The following NPLOC4 variants were observed in gnomAD, a reference collection of about 807,000 sequenced individuals.
NPLOC4 encodes nuclear protein localization protein 4 homolog.
A neutral mutation model predicts 80.6 loss-of-function variants in NPLOC4; 18 were observed. The observed-to-expected ratio is 0.22, with a 90% CI of 0.15 to 0.33. The LOEUF (loss-of-function observed/expected upper bound fraction) is 0.33. Ranked by LOEUF, NPLOC4 falls within the 10% of genes least tolerant of loss-of-function variation. The pLI is 1.00. For missense variants in NPLOC4, 540 were observed against 786.1 expected, an observed-to-expected ratio of 0.69 and a Z score of 3.74; for synonymous variants, 313 against 301.5, an observed-to-expected ratio of 1.04 and a Z score of -0.39.
rs189401802 is a variant in NPLOC4 at position 81,559,126 on chromosome 17, C to T, written c.*133G>A. 4.0e-5 allele frequency: 42 copies of T among 1,044,286 alleles called. 1 individual carries two copies. In the Middle Eastern group the frequency reaches 1.6e-3, roughly 39 times the overall value. 64.7% of individuals were successfully genotyped at this position (1,044,286 alleles called of 1,614,324 possible). On this transcript the variant is annotated 3_prime_UTR_variant, in exon 17 of 17. Coordinates refer to ENST00000331134, the MANE Select transcript of NPLOC4 (RefSeq NM_017921.4). ...TGAGAAGCTTCAGTGGGTCAGGGAG[C>T]CCAGGACAGCCAGCCCCTTGTTCCT...
chr17:81,587,221 C>T (rs62074665), intron 12 of NPLOC4, among the ~76,000 whole-genome samples: 21,747 of 152,178 alleles, frequency 0.14, 1,850 homozygotes, highest in Admixed American at 0.23. Context: ...CGCCTATAAC[C>T]CCAACACTTT....
At chr17:81,592,744 G>A (rs1348667354) in intron 11 of NPLOC4, among the ~76,000 whole-genome samples, 5 of 152,166 alleles carry the variant, frequency 3.3e-5, no homozygotes, top group Non-Finnish European at 5.9e-5. Flanking sequence ...AGGACTTTTT[G>A]AGGCCGAGAC....
chr17:81,602,963 A>G (rs2035101166), intron 8 of NPLOC4, among the ~76,000 whole-genome samples: 1 of 133,810 alleles, frequency 7.5e-6, no homozygotes, highest in African/African-American at 2.9e-5. Context: ...ATATATACAC[A>G]CATATATATA....
At chr17:81,633,127 C>CAAAA (rs57190405) in intron 1 of NPLOC4, among the ~76,000 whole-genome samples, 6 of 105,838 alleles carry the variant, frequency 5.7e-5, no homozygotes, top group East Asian at 2.3e-4. Context: ...GACTCCGTCT[C>CAAAA]AAAAAAAAAA....
chr17:81,579,984 C>G (rs934568336), intron 12 of NPLOC4, among the ~76,000 whole-genome samples: 1 of 152,156 alleles, frequency 6.6e-6, no homozygotes, highest in Non-Finnish European at 1.5e-5. Context: ...CACCCCTGAG[C>G]TGCTGAAGGC....
At chr17:81,604,443 A>T (rs2035144397) in intron 8 of NPLOC4, 105 bp downstream of exon 8, 5 of 1,019,004 alleles carry the variant, frequency 4.9e-6, no homozygotes, top group Non-Finnish European at 7.1e-6. Context: ...TGTGTGACAA[A>T]GGGGGAACAA....
At position 81,630,415 on chromosome 17, in the gene NPLOC4, G is replaced by A. The variant is rs191766811; in HGVS notation, c.16-610C>T. Among the ~76,000 whole-genome samples, 50 of 152,092 alleles carry A rather than the reference G, an allele frequency of 3.3e-4. No individual in the cohort carries two copies. The East Asian group carries it at 8.7e-3, about 26-fold the overall frequency. ...TGATCCTCTGACCTCAGCCTCCCGA[G>A]AGCTGGAACCACAGGCTTGCACCAC... On this transcript the variant is annotated intron_variant, in intron 1 of 16. Transcript: ENST00000331134.
At chr17:81,581,988 C>T (rs1598632185) in intron 12 of NPLOC4, among the ~76,000 whole-genome samples, 1 of 152,230 alleles carries the variant, frequency 6.6e-6, no homozygotes, top group Non-Finnish European at 1.5e-5. Flanking sequence ...GACATGCTTC[C>T]ATGGTGGACC....
At chr17:81,613,169 C>A in intron 4 of NPLOC4, 149 bp downstream of exon 4, 19 of 551,560 alleles carry the variant, frequency 3.4e-5, no homozygotes, top group South Asian at 1.8e-4. Flanking sequence ...AACAAGATAA[C>A]TTGAAGTTTA....
At chr17:81,614,992 C>G (rs2035441479) in intron 3 of NPLOC4, among the ~76,000 whole-genome samples, 1 of 152,186 alleles carries the variant, frequency 6.6e-6, no homozygotes, top group Admixed American at 6.5e-5. Context: ...CACACAGACA[C>G]TGGGGCTCAG....
At chr17:81,624,992 TG>T (rs1432495468) in intron 2 of NPLOC4, among the ~76,000 whole-genome samples, 1 of 152,156 alleles carries the variant, frequency 6.6e-6, no homozygotes, top group Non-Finnish European at 1.5e-5. Flanking sequence ...AAATCCCTGT[TG>T]CTCAACACCA....
intron 3 of NPLOC4, among the ~76,000 whole-genome samples, chr17:81,616,375 T>G (rs151215693): frequency 4.0e-5 from 6 of 149,580 alleles, no homozygotes; most frequent in Non-Finnish European, 8.9e-5. Context: ...CCTTCAGGAT[T>G]CCTCAAGACC....
intron 3 of NPLOC4, among the ~76,000 whole-genome samples, chr17:81,619,012 G>C (rs1037657521): frequency 4.0e-5 from 6 of 151,866 alleles, no homozygotes; most frequent in African/African-American, 9.7e-5. Context: ...GCAGCATGCT[G>C]GTTAAGAGTC....
rs2033973357 is a variant in NPLOC4, at chr17:81,565,240, AG to A, written c.1669+264del. On this transcript the variant is annotated intron_variant, in intron 16 of 16. Coordinates refer to ENST00000331134, the MANE Select transcript of NPLOC4 (RefSeq NM_017921.4). Reference sequence around the variant, plus strand: ...AGTGCTCCTAGGATGCCTGGAGATTAGTATCTCTGATGTACAGGTTTATAAA... The same window carrying A: ...AGTGCTCCTAGGATGCCTGGAGATTATATCTCTGATGTACAGGTTTATAAA... 13 of 658,936 alleles carry A rather than the reference AG, an allele frequency of 2.0e-5. No homozygotes were observed. In the East Asian group the frequency reaches 3.6e-4, roughly 18 times the overall value. The allele number at this position is 658,936 out of a possible 1,614,324, so 40.8% of individuals were successfully genotyped here.
At chr17:81,612,696 G>C (rs1471103746) in intron 4 of NPLOC4, 1 of 149,184 alleles carries the variant, frequency 6.7e-6, no homozygotes, top group Admixed American at 6.8e-5. Flanking sequence ...CCTTCTCACT[G>C]GTTTATTTAA....
chr17:81,636,897 G>T lies in NPLOC4; in HGVS notation c.15+19C>A. On this transcript the variant is annotated intron_variant, in intron 1 of 16. Coordinates refer to ENST00000331134, the MANE Select transcript of NPLOC4 (RefSeq NM_017921.4). ...GCCTCATCCCGGCGTCCCCGCTCCC[G>T]CCCGGCCGCCGCACTCACGATGCTC... The T allele has an allele frequency of 7.1e-7, 1 of 1,408,188 alleles. No homozygotes were observed. The highest frequency in any genetic ancestry group is 9.3e-7 in the Non-Finnish European group (1 of 1,076,736). The allele number at this position is 1,408,188 out of a possible 1,614,324, so 87.2% of individuals were successfully genotyped here. A position where few individuals can be genotyped will look rare whatever the true frequency, so the allele number is the denominator to read the frequency against.
intron 12 of NPLOC4, among the ~76,000 whole-genome samples, chr17:81,578,911 T>G (rs1319626513): frequency 6.6e-6 from 1 of 152,268 alleles, no homozygotes; most frequent in East Asian, 1.9e-4. Context: ...TCATTTCATA[T>G]TTAAAATGTT....
In NPLOC4 at chr17:81,557,513, G is replaced by C. The variant is rs938547188; in HGVS notation, c.*1746C>G. ...GGAACTGGCAACGCGGCTCTCTCTA[G>C]AAGTCCGTGCTGTCCAGCCTCTGCC... On this transcript the variant is annotated 3_prime_UTR_variant, in exon 17 of 17. Transcript: ENST00000331134. 1 of 152,280 alleles carries C rather than the reference G, an allele frequency of 6.6e-6. No individual in the cohort carries two copies. Among genetic ancestry groups the C allele is most frequent in the South Asian group, 2.1e-4 (1 of 4,836 alleles). The allele number at this position is 152,280 out of a possible 1,614,324, so 9.4% of individuals were successfully genotyped here.
chr17:81,624,794 C>T (rs2035756089), intron 2 of NPLOC4, among the ~76,000 whole-genome samples: 2 of 152,090 alleles, frequency 1.3e-5, no homozygotes, highest in African/African-American at 2.4e-5. Flanking sequence ...GCCCGCCACA[C>T]GCGAGCTGGG....
Sources: allele counts gnomAD v4.1 joint callset (sites outside exome capture counted in the v4.1 genomes callset), GRCh38; gene constraint gnomAD v4.1.1; transcripts MANE v1.5; gene names NCBI Gene and HGNC (gene_info 2026-07-23, HGNC 2026-07-21).